ARHGAP22: variants seen among roughly 807,000 people sequenced by gnomAD.
The protein encoded by ARHGAP22 is Rho GTPase activating protein 22.
A neutral mutation model predicts 59.1 loss-of-function variants in ARHGAP22; 48 were observed. That is an observed-to-expected ratio of 0.81 (90% confidence interval 0.64 to 1.03). The LOEUF (loss-of-function observed/expected upper bound fraction) is 1.03. Among genes scored for constraint, ARHGAP22 ranks in the 50% least tolerant of loss-of-function variants. The pLI is 0.00. For synonymous variants in ARHGAP22, 445 were observed against 416.4 expected (o/e 1.07, Z -0.84); for missense variants, 1,015 against 958.7 (o/e 1.06, Z -0.78).
chr10:48,502,585 A>G (rs149620015), intron 3 of ARHGAP22, among the ~76,000 whole-genome samples: 1 of 152,308 alleles, frequency 6.6e-6, no homozygotes, highest in Non-Finnish European at 1.5e-5. Flanking sequence ...ATTGCCAGGA[A>G]GCACCACATT....
chr10:48,431,149 C>A, the ARHGAP22 span: 1 of 1,264,950 alleles, frequency 7.9e-7, no homozygotes, highest in Non-Finnish European at 1.2e-6. Flanking sequence ...GTGAGATTGG[C>A]TCTTAGACTT....
intron 5 of ARHGAP22, among the ~76,000 whole-genome samples, chr10:48,456,809 GTCCCTCCC>G (rs533684105): frequency 1.3e-5 from 2 of 150,800 alleles, no homozygotes; most frequent in Admixed American, 6.6e-5. Flanking sequence ...TCCTTTCCTC[GTCCCTCCC>G]TCCCTCCCTC....
At chr10:48,447,444 T>C (rs1229876621) in intron 9 of ARHGAP22, among the ~76,000 whole-genome samples, 1 of 152,200 alleles carries the variant, frequency 6.6e-6, no homozygotes, top group African/African-American at 2.4e-5. Context: ...CTGGTAACCA[T>C]GGACTGGAAC....
chr10:48,644,922 A>G (rs1032367298), intron 1 of ARHGAP22, among the ~76,000 whole-genome samples: 19 of 152,066 alleles, frequency 1.2e-4, no homozygotes, highest in Non-Finnish European at 2.9e-5. Context: ...AAATAAAATA[A>G]AGAAATAAAA....
At chr10:48,449,396 C>T (rs915305564) in intron 9 of ARHGAP22, among the ~76,000 whole-genome samples, 3 of 152,194 alleles carry the variant, frequency 2.0e-5, no homozygotes, top group African/African-American at 7.2e-5. Flanking sequence ...CTCTCCATCA[C>T]CCAGGGAACA....
intron 3 of ARHGAP22, among the ~76,000 whole-genome samples, chr10:48,488,917 C>T (rs918323116): frequency 6.6e-6 from 1 of 152,172 alleles, no homozygotes; most frequent in Non-Finnish European, 1.5e-5. Flanking sequence ...CTCTTCAACT[C>T]ACAGAGTCCA....
chr10:48,603,573 C>A (rs2060508631), intron 1 of ARHGAP22, among the ~76,000 whole-genome samples: 1 of 152,204 alleles, frequency 6.6e-6, no homozygotes, highest in African/African-American at 2.4e-5. Context: ...CAGTGGCCAG[C>A]TCATTACACA....
At chr10:48,495,518 GC>G (rs1164045941) in intron 3 of ARHGAP22, among the ~76,000 whole-genome samples, 5 of 152,170 alleles carry the variant, frequency 3.3e-5, no homozygotes. Flanking sequence ...TAAAGCACTG[GC>G]CACTCACAGC....
chr10:48,595,832 C>T (rs2060033430), intron 1 of ARHGAP22, among the ~76,000 whole-genome samples: 1 of 152,154 alleles, frequency 6.6e-6, no homozygotes, highest in South Asian at 2.1e-4. Flanking sequence ...TTGCATTCTT[C>T]CTGGCCCTAA....
At chr10:48,555,159 G>A (rs2057208308) in intron 3 of ARHGAP22, among the ~76,000 whole-genome samples, 1 of 152,098 alleles carries the variant, frequency 6.6e-6, no homozygotes, top group Admixed American at 6.5e-5. Context: ...TTATTTCCAG[G>A]TATTGTGTTT....
the ARHGAP22 span, chr10:48,435,056 G>GTT: frequency 8.2e-7 from 1 of 1,214,556 alleles, no homozygotes; most frequent in Non-Finnish European, 1.1e-6. Flanking sequence ...GGGGTGGGAG[G>GTT]GATGGGGAGT....
intron 1 of ARHGAP22, among the ~76,000 whole-genome samples, chr10:48,616,148 T>C (rs143899459): frequency 3.9e-4 from 59 of 152,298 alleles, no homozygotes; most frequent in African/African-American, 1.4e-3. Flanking sequence ...CAGTGCCTAT[T>C]TTCCAGTAGT....
intron 1 of ARHGAP22, among the ~76,000 whole-genome samples, chr10:48,641,638 A>G (rs2062050839): frequency 6.6e-6 from 1 of 152,150 alleles, no homozygotes; most frequent in Admixed American, 6.5e-5. Flanking sequence ...AGCCAATATC[A>G]TACTGAATGG....
At chr10:48,590,081 T>C (rs1356265938) in intron 1 of ARHGAP22, among the ~76,000 whole-genome samples, 6 of 151,794 alleles carry the variant, frequency 4.0e-5, no homozygotes, top group Admixed American at 2.0e-4. Flanking sequence ...CGCAGTGTCA[T>C]GGGTGGAGGG....
intron 2 of ARHGAP22, among the ~76,000 whole-genome samples, chr10:48,560,918 T>C (rs2057647958): frequency 6.6e-6 from 1 of 152,164 alleles, no homozygotes; most frequent in Non-Finnish European, 1.5e-5. Context: ...GGTTGAAAAT[T>C]TTTTCAACTA....
At chr10:48,654,849 TTTTC>T (rs1474709687), upstream of ARHGAP22, among the ~76,000 whole-genome samples, 5 of 137,164 alleles carry the variant, frequency 3.6e-5, no homozygotes, top group Admixed American at 2.8e-4. Context: ...TTCCTCTCTC[TTTTC>T]TTTCTCTTTC....
chr10:48,644,008 G>A (rs1320755912), intron 1 of ARHGAP22, among the ~76,000 whole-genome samples: 4 of 152,074 alleles, frequency 2.6e-5, no homozygotes, highest in African/African-American at 4.8e-5. Flanking sequence ...TTAGCTGGGC[G>A]TGGTGGCACA....
chr10:48,636,760 A>G (rs1589267537), intron 1 of ARHGAP22, among the ~76,000 whole-genome samples: 1 of 152,344 alleles, frequency 6.6e-6, no homozygotes, highest in East Asian at 1.9e-4. Context: ...GGTCACCACA[A>G]AGAGGCCACG....
At chr10:48,627,755 G>A (rs961510676) in intron 1 of ARHGAP22, among the ~76,000 whole-genome samples, 1 of 152,222 alleles carries the variant, frequency 6.6e-6, no homozygotes, top group African/African-American at 2.4e-5. Flanking sequence ...TGTGAGGCAT[G>A]CATTCTCAGG....
Sources: gnomAD v4.1 joint callset for allele counts (sites outside exome capture counted in the v4.1 genomes callset) on GRCh38, gnomAD v4.1.1 for gene constraint, MANE v1.5 for transcripts, NCBI Gene and HGNC (gene_info 2026-07-23, HGNC 2026-07-21) for gene names.